Variants in C13orf42 observed in about 807,000 individuals in gnomAD.
C13orf42 encodes chromosome 13 open reading frame 42.
chr13:51,153,532 C>A (rs1241701223), intron 1 of C13orf42, among the ~76,000 whole-genome samples: 1 of 150,684 alleles, frequency 6.6e-6, no homozygotes, highest in Admixed American at 6.6e-5. Flanking sequence ...AATTATGTAA[C>A]ATAAAATTAC....
intron 1 of C13orf42, among the ~76,000 whole-genome samples, chr13:51,129,769 T>C (rs1329514368): frequency 6.6e-6 from 1 of 152,224 alleles, no homozygotes; most frequent in Admixed American, 6.5e-5. Context: ...TTCTGTATTG[T>C]TCTGTCATAA....
chr13:51,136,699 T>C (rs1456095809), intron 1 of C13orf42, among the ~76,000 whole-genome samples: 1 of 152,064 alleles, frequency 6.6e-6, no homozygotes, highest in Non-Finnish European at 1.5e-5. Flanking sequence ...CAAAGACAAT[T>C]CTTCCCCAGC....
intron 1 of C13orf42, among the ~76,000 whole-genome samples, chr13:51,164,914 G>T (rs1386419230): frequency 6.6e-6 from 1 of 152,160 alleles, no homozygotes; most frequent in Non-Finnish European, 1.5e-5. Flanking sequence ...CTTTACATAC[G>T]CTGACTTGGA....
chr13:51,084,625 G>T (rs1009302996), intron 3 of C13orf42, among the ~76,000 whole-genome samples: 1 of 152,230 alleles, frequency 6.6e-6, no homozygotes, highest in Non-Finnish European at 1.5e-5. Flanking sequence ...AATCCAACAG[G>T]GTTTAGTGGC....
chr13:51,160,251 G>T (rs964152134), intron 1 of C13orf42, among the ~76,000 whole-genome samples: 2 of 152,202 alleles, frequency 1.3e-5, no homozygotes, highest in Non-Finnish European at 2.9e-5. Context: ...GGTGGCTCAC[G>T]CCTGGAATCC....
chr13:51,160,391 T>C (rs1953855219), intron 1 of C13orf42, among the ~76,000 whole-genome samples: 1 of 152,310 alleles, frequency 6.6e-6, no homozygotes, highest in South Asian at 2.1e-4. Flanking sequence ...AAGCCTGTAA[T>C]CCCAGCTACT....
chr13:51,168,743 G>A (rs535877753), intron 1 of C13orf42, among the ~76,000 whole-genome samples: 1 of 152,294 alleles, frequency 6.6e-6, no homozygotes, highest in East Asian at 1.9e-4. Flanking sequence ...CCCCAATGTT[G>A]GAGGAGGGGT....
At chr13:51,171,298 T>G (rs1445113525) in intron 1 of C13orf42, among the ~76,000 whole-genome samples, 1 of 152,146 alleles carries the variant, frequency 6.6e-6, no homozygotes, top group African/African-American at 2.4e-5. Context: ...AATGGCACTT[T>G]GAATTTTTCC....
intron 1 of C13orf42, among the ~76,000 whole-genome samples, chr13:51,168,647 C>T (rs893388188): frequency 6.6e-6 from 1 of 152,202 alleles, no homozygotes. Flanking sequence ...TGACATGAAG[C>T]CATCCTACCA....
intron 1 of C13orf42, among the ~76,000 whole-genome samples, chr13:51,163,984 T>C (rs1471801528): frequency 6.6e-6 from 1 of 152,050 alleles, no homozygotes; most frequent in Non-Finnish European, 1.5e-5. Flanking sequence ...ATATAGGATG[T>C]CTAGAAAGTG....
intron 1 of C13orf42, among the ~76,000 whole-genome samples, chr13:51,089,734 C>T (rs1953163629): frequency 6.6e-6 from 1 of 151,898 alleles, no homozygotes; most frequent in African/African-American, 2.4e-5. Context: ...CACCTCTCCA[C>T]CTGCTTTCTG....
intron 1 of C13orf42, among the ~76,000 whole-genome samples, chr13:51,123,921 C>T (rs1426318880): frequency 6.6e-6 from 1 of 152,086 alleles, no homozygotes; most frequent in Non-Finnish European, 1.5e-5. Flanking sequence ...AAACTGTCCC[C>T]GTAAAACAAA....
intron 1 of C13orf42, among the ~76,000 whole-genome samples, chr13:51,140,114 A>G (rs1953685111): frequency 6.6e-6 from 1 of 152,220 alleles, no homozygotes. Flanking sequence ...AGATAGGTGC[A>G]TATCTGATTT....
upstream of C13orf42, among the ~76,000 whole-genome samples, chr13:51,114,647 G>T (rs1351132396): frequency 6.0e-4 from 38 of 63,364 alleles, no homozygotes; most frequent in East Asian, 7.3e-3. Flanking sequence ...TAGATAGATA[G>T]AGATAGACAG....
At chr13:51,094,913 G>A (rs901326931) in intron 1 of C13orf42, among the ~76,000 whole-genome samples, 1 of 152,106 alleles carries the variant, frequency 6.6e-6, no homozygotes, top group African/African-American at 2.4e-5. Context: ...GGAATCATGG[G>A]GGTGTGTCTT....
At chr13:51,110,025 G>A (rs1953409395) in intron 1 of C13orf42, among the ~76,000 whole-genome samples, 1 of 151,788 alleles carries the variant, frequency 6.6e-6, no homozygotes, top group South Asian at 2.1e-4. Flanking sequence ...ACTGTCTGGA[G>A]ACCTCCAGTG....
chr13:51,164,693 C>G (rs1387029798), intron 1 of C13orf42, among the ~76,000 whole-genome samples: 1 of 152,106 alleles, frequency 6.6e-6, no homozygotes, highest in Admixed American at 6.5e-5. Flanking sequence ...ACCTGAATAA[C>G]AATTTTTGAA....
chr13:51,140,692 C>T (rs1390752620), intron 1 of C13orf42, among the ~76,000 whole-genome samples: 1 of 152,062 alleles, frequency 6.6e-6, no homozygotes, highest in African/African-American at 2.4e-5. Flanking sequence ...TACTTGCTTC[C>T]AACAGGAAAG....
chr13:51,124,427 G>A (rs527608341), intron 1 of C13orf42, among the ~76,000 whole-genome samples: 2 of 152,292 alleles, frequency 1.3e-5, no homozygotes, highest in African/African-American at 2.4e-5. Context: ...TCCACTGGGC[G>A]GTTACATAAT....
Sources: allele counts gnomAD v4.1 joint callset (sites outside exome capture counted in the v4.1 genomes callset), GRCh38; gene constraint gnomAD v4.1.1; transcripts MANE v1.5; gene names NCBI Gene and HGNC (gene_info 2026-07-23, HGNC 2026-07-21).